The following ADGRB3 variants were observed in gnomAD, a reference collection of about 807,000 sequenced individuals.
ADGRB3 encodes brain-specific angiogenesis inhibitor 3.
ADGRB3 carries 37 observed loss-of-function variants against 193.4 expected under a neutral mutation model. The ratio of observed to expected loss-of-function variants is 0.19; its 90% CI spans 0.15 to 0.25. ADGRB3 has a LOEUF of 0.25. Ranked by LOEUF, ADGRB3 falls within the 10% of genes least tolerant of loss-of-function variation. ADGRB3 has a pLI of 1.00. For synonymous variants in ADGRB3, 690 were observed against 644.2 expected (o/e 1.07, Z -1.08); for missense variants, 1,637 against 1,852.9 (o/e 0.88, Z 2.14).
intron 13 of ADGRB3, among the ~76,000 whole-genome samples, chr6:69,040,307 C>CTCTTTCTTTCTCTTTCTTTCTTTCTT (rs1770993703): frequency 1.1e-5 from 1 of 94,758 alleles, no homozygotes; most frequent in Non-Finnish European, 2.1e-5. Flanking sequence ...CTTTCTCTGT[C>CTCTTTCTTTCTCTTTCTTTCTTTCTT]TCTTTCTTTC....
intron 3 of ADGRB3, among the ~76,000 whole-genome samples, chr6:68,642,392 G>A (rs539250960): frequency 6.6e-6 from 1 of 152,238 alleles, no homozygotes; most frequent in East Asian, 1.9e-4. Flanking sequence ...AGACTCTCAG[G>A]AGTGGGATGC....
intron 17 of ADGRB3, among the ~76,000 whole-genome samples, chr6:69,140,980 C>T (rs543461753): frequency 1.3e-5 from 2 of 152,146 alleles, no homozygotes; most frequent in South Asian, 4.1e-4. Context: ...CCTAATGGAG[C>T]TTTCAAGGGG....
At chr6:69,241,467 A>G (rs1028553038) in intron 20 of ADGRB3, among the ~76,000 whole-genome samples, 2 of 151,954 alleles carry the variant, frequency 1.3e-5, no homozygotes, top group Non-Finnish European at 2.9e-5. Context: ...TCCAATGGCT[A>G]CATGCAGCTA....
chr6:69,335,108 AAT>A (rs1768818604), intron 24 of ADGRB3, among the ~76,000 whole-genome samples: 1 of 152,158 alleles, frequency 6.6e-6, no homozygotes, highest in Admixed American at 6.5e-5. Flanking sequence ...CATTGAAATG[AAT>A]ATGATATTGA....
intron 20 of ADGRB3, among the ~76,000 whole-genome samples, chr6:69,321,573 C>G (rs1768458107): frequency 6.6e-6 from 1 of 151,586 alleles, no homozygotes; most frequent in African/African-American, 2.4e-5. Flanking sequence ...GGATTTGAGG[C>G]TTGTAAGTGA....
intron 3 of ADGRB3, among the ~76,000 whole-genome samples, chr6:68,811,352 T>C (rs538051248): frequency 1.3e-5 from 2 of 152,224 alleles, no homozygotes; most frequent in Non-Finnish European, 2.9e-5. Context: ...AGTTTATATA[T>C]AACATAAGCA....
At chr6:69,215,797 T>G (rs1018803208) in intron 17 of ADGRB3, among the ~76,000 whole-genome samples, 73 of 152,200 alleles carry the variant, frequency 4.8e-4, no homozygotes, top group African/African-American at 1.8e-3. Context: ...AAAACCAAAT[T>G]TCTCTGGCTT....
intron 20 of ADGRB3, among the ~76,000 whole-genome samples, chr6:69,247,326 G>A (rs770524945): frequency 1.1e-4 from 16 of 152,054 alleles, no homozygotes; most frequent in South Asian, 4.2e-4. Flanking sequence ...GGGCAGATGC[G>A]GATGAGTTAT....
At chr6:69,192,795 G>C (rs1765220980) in intron 17 of ADGRB3, among the ~76,000 whole-genome samples, 1 of 152,018 alleles carries the variant, frequency 6.6e-6, no homozygotes, top group Non-Finnish European at 1.5e-5. Flanking sequence ...GCTATATTCT[G>C]CATTAAAGTA....
At chr6:68,643,824 T>C (rs1190684634) in intron 3 of ADGRB3, among the ~76,000 whole-genome samples, 2 of 151,564 alleles carry the variant, frequency 1.3e-5, no homozygotes, top group Non-Finnish European at 2.9e-5. Flanking sequence ...TCCCAGCTAC[T>C]TGGGAGGCCG....
chr6:69,010,773 TAAA>T (rs10579619), intron 11 of ADGRB3, among the ~76,000 whole-genome samples: 8,472 of 136,082 alleles, frequency 0.062, 257 homozygotes, highest in African/African-American at 0.084. Flanking sequence ...CAAGGCTGAC[TAAA>T]AAAAAAAAAA....
intron 3 of ADGRB3, among the ~76,000 whole-genome samples, chr6:68,881,738 C>CA (rs1245691270): frequency 6.6e-6 from 1 of 152,154 alleles, no homozygotes; most frequent in Non-Finnish European, 1.5e-5. Flanking sequence ...CTCTGTCTTT[C>CA]AATGGCTAGC....
chr6:69,311,371 A>T (rs1281978452), intron 20 of ADGRB3, among the ~76,000 whole-genome samples: 4 of 151,768 alleles, frequency 2.6e-5, no homozygotes, highest in African/African-American at 9.7e-5. Flanking sequence ...ATGTGGTTTC[A>T]GAGTTGGAAG....
chr6:69,052,244 A>G (rs1404718443), intron 15 of ADGRB3, among the ~76,000 whole-genome samples: 1 of 152,208 alleles, frequency 6.6e-6, no homozygotes, highest in Non-Finnish European at 1.5e-5. Flanking sequence ...AATAAGGCAC[A>G]CAGAAGTTTA....
chr6:68,646,306 G>A (rs1014929881), intron 3 of ADGRB3, among the ~76,000 whole-genome samples: 22 of 151,298 alleles, frequency 1.5e-4, no homozygotes, highest in African/African-American at 5.1e-4. Flanking sequence ...ATGAAACCCT[G>A]TCTCTACTAA....
chr6:68,855,353 A>G (rs1038118984), intron 3 of ADGRB3, among the ~76,000 whole-genome samples: 1 of 152,172 alleles, frequency 6.6e-6, no homozygotes, highest in Non-Finnish European at 1.5e-5. Context: ...CAGTCTACCA[A>G]GACATGAGCT....
chr6:68,939,566 AG>A (rs1265838946), intron 5 of ADGRB3, among the ~76,000 whole-genome samples: 1 of 152,214 alleles, frequency 6.6e-6, no homozygotes, highest in Non-Finnish European at 1.5e-5. Context: ...CCAAACATAA[AG>A]GATAATTTAG....
At chr6:69,373,189 T>C (rs1049851674) in intron 30 of ADGRB3, among the ~76,000 whole-genome samples, 3 of 152,048 alleles carry the variant, frequency 2.0e-5, no homozygotes, top group Non-Finnish European at 4.4e-5. Flanking sequence ...TAATTGGATA[T>C]AATACATTAT....
Position 69,361,231 on chromosome 6 carries a change from C to T in ADGRB3, c.3958C>T (p.Pro1320Ser). ...VMPRSSVNNQ[P>S]SMKEESKMNI... ...GCCCAGAAGTTCTGTAAATAACCAG[C>T]CTTCAATGAAAGAAGAAAGCAAAAT... Residue 1320 changes from proline to serine, a missense_variant, in exon 29 of 32, where the codon CCT becomes TCT. Physicochemically the swap from Pro to Ser is moderately conservative, Grantham distance 74 (BLOSUM62 -1). This residue lies in a region of ADGRB3 where 368 missense variants were observed against 367.4 expected (regional missense o/e 1.00). Coordinates refer to ENST00000370598, the MANE Select transcript of ADGRB3 (RefSeq NM_001704.3). 6.2e-7 allele frequency: 1 copy of T among 1,612,676 alleles called. No individual in the cohort carries two copies. The highest frequency in any genetic ancestry group is 8.5e-7 in the Non-Finnish European group (1 of 1,179,280).
Sources: gnomAD v4.1 joint callset for allele counts (sites outside exome capture counted in the v4.1 genomes callset) on GRCh38, gnomAD v4.1.1 for gene constraint, gnomAD v4.1.1 regional missense constraint, MANE v1.5 for transcripts, NCBI Gene and HGNC (gene_info 2026-07-23, HGNC 2026-07-21) for gene names.